RBM41: variants seen among roughly 807,000 people sequenced by gnomAD.
RBM41 encodes RNA-binding protein 41.
In RBM41, 14 loss-of-function variants were observed where a neutral mutation model predicts 30.8. The ratio of observed to expected loss-of-function variants is 0.45; its 90% confidence interval spans 0.30 to 0.71. RBM41 has a LOEUF of 0.71. RBM41 is among the 30% of genes least tolerant of loss of function. The pLI, the probability that RBM41 is intolerant of heterozygous loss-of-function variation, is 0.08. For missense variants in RBM41, 276 were observed against 326.3 expected (o/e 0.85, Z 1.19); for synonymous variants, 120 against 110.1 (o/e 1.09, Z -0.56).
intron 5 of RBM41, among the ~76,000 whole-genome samples, chrX:107,098,726 C>T (rs972799611): frequency 6.3e-5 from 7 of 111,677 alleles, no homozygotes; most frequent in African/African-American, 1.3e-4. Flanking sequence ...CAGGCCCAGG[C>T]GCGGTGGCTC....
intron 5 of RBM41, among the ~76,000 whole-genome samples, chrX:107,097,581 G>A (rs144833621): frequency 0.011 from 1,181 of 111,324 alleles, 14 homozygotes; most frequent in African/African-American, 0.037. Flanking sequence ...TTCCCCTTCC[G>A]CTATGATTTT....
chrX:107,075,880 G>T (rs1357066467), intron 6 of RBM41, among the ~76,000 whole-genome samples: 1 of 111,750 alleles, frequency 8.9e-6, no homozygotes, highest in East Asian at 2.8e-4. Flanking sequence ...CCATTTCTGG[G>T]TATTTATCCA....
At chrX:107,084,180 C>T (rs951890183) in intron 6 of RBM41, among the ~76,000 whole-genome samples, 2 of 108,227 alleles carry the variant, frequency 1.8e-5, no homozygotes, top group African/African-American at 6.7e-5. Context: ...ACAAAAAAAC[C>T]TCCTTAAATA....
At chrX:107,116,813 G>A in intron 1 of RBM41, 47 bp from the exon 2 acceptor site, 2 of 1,111,112 alleles carry the variant, frequency 1.8e-6, no homozygotes, top group Non-Finnish European at 2.4e-6. Context: ...GAGACTGTGA[G>A]TCTCAAAATA....
intron 1 of RBM41, among the ~76,000 whole-genome samples, chrX:107,118,450 T>C (rs1925075001): frequency 9.0e-6 from 1 of 110,774 alleles, no homozygotes; most frequent in South Asian, 3.9e-4. Context: ...GCCGGGAATT[T>C]GTCAGCCTCA....
intron 5 of RBM41, among the ~76,000 whole-genome samples, chrX:107,106,382 A>G (rs1027026730): frequency 2.7e-5 from 3 of 111,521 alleles, no homozygotes; most frequent in Admixed American, 1.9e-4. Context: ...GGTGCTGGAG[A>G]GGATGTGGAG....
Position 107,116,010 on chromosome X carries a change from T to C in RBM41, c.170A>G (p.Lys57Arg). The C allele has an allele frequency of 8.3e-7, 1 of 1,199,630 alleles. No homozygotes were observed. Among genetic ancestry groups the C allele is most frequent in the Non-Finnish European group, 1.1e-6 (1 of 888,969 alleles). Residue 57 changes from lysine (K) to arginine (R), a missense_variant, in exon 3 of 8, where the codon AAG becomes AGG. Coordinates refer to ENST00000685964, the MANE Select transcript of RBM41 (RefSeq NM_001324242.2). ...CCCAGCTGCTTCCTTCCCAAAGGGCTTGTACATAGTACCAGGAGCAAAGCT... is the reference window on the plus strand; with the variant it reads ...CCCAGCTGCTTCCTTCCCAAAGGGCCTGTACATAGTACCAGGAGCAAAGCT... ...KESFAPGTMYKPFGKEAAGTM... is the reference protein window; with the variant it reads ...KESFAPGTMYRPFGKEAAGTM...
At chrX:107,097,929 A>T (rs1000066288) in intron 5 of RBM41, among the ~76,000 whole-genome samples, 1 of 111,229 alleles carries the variant, frequency 9.0e-6, no homozygotes, top group Non-Finnish European at 1.9e-5. Context: ...GCCCTAGGGA[A>T]TTTTGCCCCG....
At chrX:107,108,833 G>C (rs1924225980) in intron 5 of RBM41, among the ~76,000 whole-genome samples, 1 of 110,464 alleles carries the variant, frequency 9.1e-6, no homozygotes, top group African/African-American at 3.3e-5. Flanking sequence ...ACCAGTTCTG[G>C]AGCACCATAA....
chrX:107,115,781 G>C, intron 3 of RBM41, 81 bp downstream of exon 3: 6 of 1,054,673 alleles, frequency 5.7e-6, no homozygotes, highest in Non-Finnish European at 7.6e-6. Context: ...AAATGAAAAG[G>C]CTCTCAGTGC....
Position 107,088,711 on chromosome X carries a change from G to C in RBM41, c.724C>G (p.Leu242Val). The C allele has an allele frequency of 8.3e-7, 1 of 1,211,738 alleles. No individual in the cohort carries two copies. Among genetic ancestry groups the C allele is most frequent in the Non-Finnish European group, 1.1e-6 (1 of 895,536 alleles). The change falls in exon 6 of 8, where the codon CTG becomes GTG. Residue 242 changes from leucine (L) to valine (V), a missense_variant. Transcript: ENST00000685964. ...MRGEPFASHS[L>V]VSATSVGDSG... ...TCACCCACTGATGTAGCTGAGACCA[G>C]TGAGTGGGAAGCAAAGGGTTCACCT...
Position 107,063,970 on chromosome X carries a change from G to C in RBM41, c.*3557C>G. ...TTCTTTTCTTTTTTTTTTTTTTTTT[G>C]AGATGGAGTCTCGCTCTGCTGCCCA... On this transcript the variant is annotated 3_prime_UTR_variant, in exon 8 of 8. Transcript: ENST00000685964. 2.1e-5 allele frequency among the ~76,000 whole-genome samples: 1 copy of C among 48,366 alleles called. No individual in the cohort carries two copies. Among genetic ancestry groups the C allele is most frequent in the African/African-American group, 7.6e-5 (1 of 13,076 alleles). 42.0% of individuals were successfully genotyped at this position (48,366 alleles called of 115,157 possible). A position where few individuals can be genotyped will look rare whatever the true frequency, so the allele number is the denominator to read the frequency against.
intron 6 of RBM41, among the ~76,000 whole-genome samples, chrX:107,076,278 C>T (rs758250085): frequency 5.4e-4 from 58 of 108,043 alleles, no homozygotes; most frequent in Non-Finnish European, 9.2e-4. Context: ...GATCGCACCA[C>T]TGTATTCCAG....
intron 6 of RBM41, chrX:107,069,690 G>C (rs1602544999): frequency 5.8e-6 from 1 of 173,715 alleles, no homozygotes; most frequent in Middle Eastern, 2.0e-3. Context: ...CCCAAACTCA[G>C]GTGATCCACC....
downstream of RBM41, among the ~76,000 whole-genome samples, chrX:107,058,713 G>C (rs1379600499): frequency 3.6e-5 from 4 of 111,683 alleles, no homozygotes; most frequent in African/African-American, 9.8e-5. Flanking sequence ...CCTCGTGTCA[G>C]GCTGCTATAA....
chrX:107,082,377 A>G (rs989187976), intron 6 of RBM41, among the ~76,000 whole-genome samples: 2 of 112,077 alleles, frequency 1.8e-5, no homozygotes, highest in Middle Eastern at 4.6e-3. Flanking sequence ...ATCATAGTAT[A>G]TAATTATTTT....
the RBM41 span, among the ~76,000 whole-genome samples, chrX:107,056,112 T>G: frequency 8.9e-6 from 1 of 112,125 alleles, no homozygotes; most frequent in Non-Finnish European, 1.9e-5. Flanking sequence ...GAAAGGGTAT[T>G]AGATTTTGCC....
At chrX:107,093,644 A>C (rs1323743581) in intron 5 of RBM41, among the ~76,000 whole-genome samples, 3 of 112,132 alleles carry the variant, frequency 2.7e-5, no homozygotes, top group African/African-American at 9.7e-5. Flanking sequence ...GGAAAAGAAG[A>C]ATGGTTTCAA....
At chrX:107,111,167 A>AAT (rs1265141212) in intron 5 of RBM41, among the ~76,000 whole-genome samples, 1 of 111,537 alleles carries the variant, frequency 9.0e-6, no homozygotes, top group Non-Finnish European at 1.9e-5. Flanking sequence ...TAATATACAG[A>AAT]ATATATATAG....
Sources: allele counts gnomAD v4.1 joint callset (sites outside exome capture counted in the v4.1 genomes callset), GRCh38; gene constraint gnomAD v4.1.1; transcripts MANE v1.5; gene names NCBI Gene and HGNC (gene_info 2026-07-23, HGNC 2026-07-21).